Variants in GNG4 observed in about 807,000 individuals in gnomAD.
GNG4 encodes guanine nucleotide-binding protein G(I)/G(S)/G(O) subunit gamma-4.
GNG4 carries 4 observed loss-of-function variants against 5.8 expected under a neutral mutation model. The ratio of observed to expected loss-of-function variants is 0.69; its 90% CI spans 0.34 to 1.57. The LOEUF (loss-of-function observed/expected upper bound fraction) is 1.57, where lower values mean the gene tolerates loss of function less well. Ranked by LOEUF, GNG4 falls within the 40% of genes most tolerant of loss-of-function variation. The pLI is 0.06. For synonymous variants in GNG4, 29 were observed against 32.9 expected (o/e 0.88, Z 0.41); for missense variants, 96 against 95.1 (o/e 1.01, Z -0.04).
intron 3 of GNG4, among the ~76,000 whole-genome samples, chr1:235,577,367 C>A (rs1157992125): frequency 6.6e-6 from 1 of 152,196 alleles, no homozygotes; most frequent in Non-Finnish European, 1.5e-5. Flanking sequence ...GCACATTCAC[C>A]TGCTAGGCAT....
At chr1:235,618,455 T>C (rs889386937) in intron 1 of GNG4, among the ~76,000 whole-genome samples, 2 of 152,192 alleles carry the variant, frequency 1.3e-5, no homozygotes, top group African/African-American at 4.8e-5. Context: ...AAAGCTAATC[T>C]GCAGGGCTCA....
chr1:235,607,031 T>G (rs2051399569), intron 1 of GNG4, among the ~76,000 whole-genome samples: 1 of 149,524 alleles, frequency 6.7e-6, no homozygotes, highest in Non-Finnish European at 1.5e-5. Context: ...CTCCGCCTTC[T>G]GGGTTGAAGC....
At chr1:235,555,493 G>A (rs1265989498) in intron 3 of GNG4, among the ~76,000 whole-genome samples, 1 of 151,936 alleles carries the variant, frequency 6.6e-6, no homozygotes, top group Non-Finnish European at 1.5e-5. Context: ...ACTCTAGCCT[G>A]GGCAACATAA....
At chr1:235,571,392 AAC>A (rs1378781052) in intron 3 of GNG4, among the ~76,000 whole-genome samples, 2 of 152,164 alleles carry the variant, frequency 1.3e-5, no homozygotes, top group African/African-American at 4.8e-5. Flanking sequence ...TCCTTCATAT[AAC>A]AGAGTACCCA....
At position 235,642,258 on chromosome 1, in the gene GNG4, C is replaced by G. The variant is rs1233165056; in HGVS notation, c.-123+7404G>C. The stretch of plus-strand genomic sequence containing the variant: ...CGTGCAGGTGTCGCGGGTAAGCTGC[C>G]GCGGTTACTGTGAAGCAGGGCCAAG... On this transcript the variant is annotated intron_variant, in intron 1 of 3. Coordinates refer to ENST00000391854, the MANE Select transcript of GNG4 (RefSeq NM_001098722.2). The surrounding 1 kb of genome is among the most constrained non-coding windows in gnomAD (Gnocchi z 4.3). Among the ~76,000 whole-genome samples the G allele has an allele frequency of 6.6e-6, 1 of 152,210 alleles. No individual in the cohort carries two copies. The highest frequency in any genetic ancestry group is 1.5e-5 in the Non-Finnish European group (1 of 68,032).
At chr1:235,602,177 C>T (rs1327960300) in intron 1 of GNG4, among the ~76,000 whole-genome samples, 1 of 152,144 alleles carries the variant, frequency 6.6e-6, no homozygotes, top group African/African-American at 2.4e-5. Flanking sequence ...GAGGCTGAGG[C>T]AGGAGAATCA....
intron 3 of GNG4, among the ~76,000 whole-genome samples, chr1:235,577,886 A>G (rs535504993): frequency 1.3e-5 from 2 of 152,168 alleles, no homozygotes; most frequent in South Asian, 4.2e-4. Flanking sequence ...CCTCTCTGGC[A>G]GTAACCTCGT....
intron 1 of GNG4, among the ~76,000 whole-genome samples, chr1:235,632,407 G>A (rs1327713363): frequency 2.6e-5 from 4 of 152,152 alleles, no homozygotes; most frequent in Non-Finnish European, 5.9e-5. Flanking sequence ...TCATCTGTGT[G>A]CAAAGACTGA....
intron 1 of GNG4, among the ~76,000 whole-genome samples, chr1:235,605,020 T>C (rs1688329740): frequency 1.3e-5 from 2 of 151,984 alleles, no homozygotes; most frequent in South Asian, 4.2e-4. Flanking sequence ...ACTTGTAAAA[T>C]GAGAAAATTG....
At chr1:235,565,402 G>A (rs184088591) in intron 3 of GNG4, among the ~76,000 whole-genome samples, 145 of 152,318 alleles carry the variant, frequency 9.5e-4, no homozygotes, top group African/African-American at 3.2e-3. Flanking sequence ...TACTCAGGAG[G>A]CTGATGCAGG....
rs143202305 is a variant in GNG4 at position 235,558,774 on chromosome 1, C to G, written c.100-6537G>C. Among the ~76,000 whole-genome samples, 868 of 152,302 alleles carry G rather than the reference C, an allele frequency of 5.7e-3. 10 individuals are homozygous for G. Among genetic ancestry groups the G allele is most frequent in the African/African-American group, 0.02 (812 of 41,564 alleles). On this transcript the variant is annotated intron_variant, in intron 3 of 3. Coordinates refer to ENST00000391854, the MANE Select transcript of GNG4 (RefSeq NM_001098722.2). The stretch of plus-strand genomic sequence containing the variant: ...TCATCAAGCCTGAATTCGGCTTTCC[C>G]TCAAGTTCACTGTGATGAAATGCCT...
At chr1:235,593,111 G>A (rs1200824547) in intron 2 of GNG4, among the ~76,000 whole-genome samples, 1 of 152,106 alleles carries the variant, frequency 6.6e-6, no homozygotes, top group African/African-American at 2.4e-5. Context: ...ACTATGCCCA[G>A]CTAATTTTTG....
intron 1 of GNG4, among the ~76,000 whole-genome samples, chr1:235,634,115 G>A (rs1225893251): frequency 6.6e-6 from 1 of 152,056 alleles, no homozygotes; most frequent in Non-Finnish European, 1.5e-5. Context: ...GGAGGGTGAG[G>A]GATCAGCTAG....
chr1:235,562,111 G>A (rs1250926026), intron 3 of GNG4, among the ~76,000 whole-genome samples: 1 of 152,102 alleles, frequency 6.6e-6, no homozygotes, highest in Admixed American at 6.6e-5. Context: ...AAGATCAGCT[G>A]GCTATATTTA....
intron 1 of GNG4, among the ~76,000 whole-genome samples, chr1:235,625,189 T>C (rs927231198): frequency 2.0e-5 from 3 of 152,200 alleles, no homozygotes; most frequent in African/African-American, 7.2e-5. Flanking sequence ...TTTCCCTTGC[T>C]TTCTCCTCTT....
intron 3 of GNG4, among the ~76,000 whole-genome samples, chr1:235,562,531 A>G (rs943690490): frequency 2.6e-5 from 4 of 151,774 alleles, no homozygotes; most frequent in African/African-American, 9.7e-5. Context: ...TGTAATCCCA[A>G]CTACTCAGGA....
rs373834628 is a variant in GNG4, at chr1:235,642,791, G to A, written c.-123+6871C>T. Reference sequence around the variant, plus strand: ...ACCTCGGATCACCCCAGGCAATCTCGCCCCTGTGGCTTCACCTGGGTCCAG... The same window carrying A: ...ACCTCGGATCACCCCAGGCAATCTCACCCCTGTGGCTTCACCTGGGTCCAG... On this transcript the variant is annotated intron_variant, in intron 1 of 3. Transcript: ENST00000391854. The surrounding 1 kb of genome is among the most constrained non-coding windows in gnomAD (Gnocchi z 4.3). Among the ~76,000 whole-genome samples, 5 of 152,112 alleles carry A rather than the reference G, an allele frequency of 3.3e-5. No individual in the cohort carries two copies. Among genetic ancestry groups the A allele is most frequent in the South Asian group, 2.1e-4 (1 of 4,820 alleles).
intron 3 of GNG4, among the ~76,000 whole-genome samples, chr1:235,560,535 T>C (rs1687031038): frequency 6.6e-6 from 1 of 152,198 alleles, no homozygotes; most frequent in Admixed American, 6.5e-5. Context: ...GGTATTCTGT[T>C]ACAGCAGCAC....
chr1:235,595,940 C>T (rs1421463047), intron 1 of GNG4, among the ~76,000 whole-genome samples: 5 of 151,550 alleles, frequency 3.3e-5, no homozygotes, highest in South Asian at 2.1e-4. Context: ...TTTGGGAGGC[C>T]GAGGCGGGCG....
Sources: allele counts gnomAD v4.1 joint callset (sites outside exome capture counted in the v4.1 genomes callset), GRCh38; gene constraint gnomAD v4.1.1; non-coding constraint Gnocchi (gnomAD v3.1); transcripts MANE v1.5; gene names NCBI Gene and HGNC (gene_info 2026-07-23, HGNC 2026-07-21).